CUBN: variants seen among roughly 807,000 people sequenced by gnomAD.
CUBN encodes the protein 460 kDa receptor.
CUBN carries 282 observed loss-of-function variants against 405.3 expected under a neutral mutation model. The ratio of observed to expected loss-of-function variants is 0.70; its 90% CI spans 0.63 to 0.77. The LOEUF (loss-of-function observed/expected upper bound fraction) is 0.77. Ranked by LOEUF, CUBN falls within the 30% of genes least tolerant of loss-of-function variation. CUBN has a pLI of 0.00. For missense variants in CUBN, 4,514 were observed against 4,475.2 expected, an observed-to-expected ratio of 1.01 and a Z score of -0.25; for synonymous variants, 1,684 against 1,617.0, an observed-to-expected ratio of 1.04 and a Z score of -0.99.
chr10:17,020,781 T>C lies in CUBN; in HGVS notation c.4018-798A>G, dbSNP rs186213711. Among the ~76,000 whole-genome samples the C allele has an allele frequency of 4.2e-3, 643 of 152,314 alleles. 4 individuals carry two copies. Among genetic ancestry groups the C allele is most frequent in the Non-Finnish European group, 6.8e-3 (463 of 68,026 alleles). ...TGTAAAATGCCACAAATATAATGTATTTATATTATAATTCTATTGTTGTTT... is the reference window on the plus strand; with the variant it reads ...TGTAAAATGCCACAAATATAATGTACTTATATTATAATTCTATTGTTGTTT... On this transcript the variant is annotated intron_variant, in intron 27 of 66. Transcript: ENST00000377833.
At chr10:17,067,765 C>T (rs1835644189) in intron 21 of CUBN, among the ~76,000 whole-genome samples, 1 of 151,990 alleles carries the variant, frequency 6.6e-6, no homozygotes, top group African/African-American at 2.4e-5. Context: ...TTTGTGGTTT[C>T]CTGTGGGTGG....
In CUBN at chr10:17,087,472, C is replaced by CTTTTTTTTTTTTTTTTTTTTTT. The variant is rs775573918; in HGVS notation, c.1947+670_1947+691dup. ...CACAATCACTATTATTTTTCTTTTT[C>CTTTTTTTTTTTTTTTTTTTTTT]TTTTTTTTTTTTTTTTTTTTTTAGA... On this transcript the variant is annotated intron_variant, in intron 15 of 66. Transcript: ENST00000377833. 1.4e-4 allele frequency among the ~76,000 whole-genome samples: 10 copies of CTTTTTTTTTTTTTTTTTTTTTT among 71,726 alleles called. 1 individual carries two copies. The highest frequency in any genetic ancestry group is 2.3e-4 in the Admixed American group (1 of 4,372). The allele number at this position is 71,726 out of a possible 152,430, so 47.1% of individuals were successfully genotyped here.
intron 20 of CUBN, 38 bp downstream of exon 20, chr10:17,068,566 GC>G: frequency 6.6e-7 from 1 of 1,515,446 alleles, no homozygotes; most frequent in Non-Finnish European, 9.1e-7. Flanking sequence ...TCTGATACAA[GC>G]CCAAGAGGAG....
rs764285300 is a variant in CUBN at position 16,862,143 on chromosome 10, G to GTCTCTCTC, written c.9454+7485_9454+7492dup. Among the ~76,000 whole-genome samples, 21 of 121,382 alleles carry GTCTCTCTC rather than the reference G, an allele frequency of 1.7e-4. 1 individual carries two copies. Among genetic ancestry groups the GTCTCTCTC allele is most frequent in the Admixed American group, 6.4e-4 (7 of 10,978 alleles). The allele number at this position is 121,382 out of a possible 152,430, so 79.6% of individuals were successfully genotyped here. A position where few individuals can be genotyped will look rare whatever the true frequency, so the allele number is the denominator to read the frequency against. On this transcript the variant is annotated intron_variant, in intron 59 of 66. Transcript: ENST00000377833. ...CAGCCTGGCAACAGAGTGAGACTCC[G>GTCTCTCTC]TCTCTCTCTCTCTCTCTCACACACA...
At chr10:16,949,466 GTGTGTGTGTGTT>G (rs1842871937) in intron 34 of CUBN, among the ~76,000 whole-genome samples, 4 of 35,086 alleles carry the variant, frequency 1.1e-4, no homozygotes, top group Admixed American at 8.4e-4. Context: ...TGTGTGTGTA[GTGTGTGTGTGTT>G]TGTTTGTTTT....
intron 17 of CUBN, among the ~76,000 whole-genome samples, chr10:17,082,004 C>T (rs748315758): frequency 3.3e-5 from 5 of 151,918 alleles, no homozygotes; most frequent in African/African-American, 4.8e-5. Context: ...GAAATTTGGT[C>T]AAGACTTTGA....
At chr10:16,927,569 C>T (rs1842227850) in intron 41 of CUBN, among the ~76,000 whole-genome samples, 2 of 152,164 alleles carry the variant, frequency 1.3e-5, no homozygotes, top group South Asian at 4.1e-4. Flanking sequence ...TTTCACTCTT[C>T]CTTGGACTAC....
At chr10:16,971,128 T>A (rs1832918682) in intron 31 of CUBN, among the ~76,000 whole-genome samples, 1 of 152,206 alleles carries the variant, frequency 6.6e-6, no homozygotes, top group Admixed American at 6.5e-5. Flanking sequence ...CCCAACATTA[T>A]CTGACAGCAT....
intron 29 of CUBN, among the ~76,000 whole-genome samples, chr10:16,987,116 TG>T (rs1161341599): frequency 4.6e-5 from 7 of 152,074 alleles, no homozygotes; most frequent in Non-Finnish European, 7.4e-5. Flanking sequence ...CTCCAAGGAG[TG>T]GATTTCCTTT....
chr10:16,918,510 C>G lies in CUBN; in HGVS notation c.7000+112G>C. ...TAACTATTAGGTACTAGGCATAGTA[C>G]CTGGCTGATGAAATAATCTCTACAA... On this transcript the variant is annotated intron_variant, in intron 45 of 66. Coordinates refer to ENST00000377833, the MANE Select transcript of CUBN (RefSeq NM_001081.4). 3 of 798,108 alleles carry G rather than the reference C, an allele frequency of 3.8e-6. No individual in the cohort carries two copies. In the South Asian group the frequency reaches 4.6e-5, roughly 12 times the overall value. The allele number at this position is 798,108 out of a possible 1,614,324, so 49.4% of individuals were successfully genotyped here. A position where few individuals can be genotyped will look rare whatever the true frequency, so the allele number is the denominator to read the frequency against.
chr10:17,014,115 T>G (rs1186787517), intron 28 of CUBN, among the ~76,000 whole-genome samples: 5 of 152,148 alleles, frequency 3.3e-5, no homozygotes, highest in African/African-American at 7.2e-5. Context: ...AGTATGCCAT[T>G]TACATCATGA....
intron 27 of CUBN, among the ~76,000 whole-genome samples, chr10:17,025,740 G>T (rs775184521): frequency 1.1e-4 from 16 of 152,138 alleles, no homozygotes; most frequent in Non-Finnish European, 1.9e-4. Flanking sequence ...GGGAAGTGAT[G>T]AATTCAGTGA....
chr10:16,826,167 T>C (rs1178797867), intron 66 of CUBN, among the ~76,000 whole-genome samples: 1 of 152,174 alleles, frequency 6.6e-6, no homozygotes, highest in Non-Finnish European at 1.5e-5. Context: ...AACAATGGTA[T>C]TTACCGTAAT....
chr10:17,108,636 T>A (rs4748355), intron 10 of CUBN, among the ~76,000 whole-genome samples: 88,219 of 151,760 alleles, frequency 0.58, 26,683 homozygotes, highest in Non-Finnish European at 0.68. Context: ...CATAGAAGTA[T>A]AAAAGAACAT....
In CUBN at chr10:16,913,849, G is replaced by A. The variant is rs991361303; in HGVS notation, c.7495C>T (p.Leu2499=). ...RITLMFNNLR[L]ATHPSCNNEH... is the part of the protein sequence containing the mutation. Reference sequence around the variant, plus strand: ...TTGTTGCAGGACGGATGCGTGGCCAGCCTCAGGTTGTTAAACATTAGGGTG... The same window carrying A: ...TTGTTGCAGGACGGATGCGTGGCCAACCTCAGGTTGTTAAACATTAGGGTG... The change falls in exon 48 of 67, where the codon CTG becomes TTG. Residue 2499 remains leucine (L), a synonymous_variant. Coordinates refer to ENST00000377833, the MANE Select transcript of CUBN (RefSeq NM_001081.4). 3.1e-6 allele frequency: 5 copies of A among 1,613,944 alleles called. No individual in the cohort carries two copies. The African/African-American group carries it at 6.7e-5, about 22-fold the overall frequency.
chr10:16,872,939 T>C (rs753444549), intron 58 of CUBN, among the ~76,000 whole-genome samples: 4 of 152,162 alleles, frequency 2.6e-5, no homozygotes, highest in Admixed American at 6.5e-5. Flanking sequence ...GTCCAGCCTA[T>C]AGAACGCCTG....
At chr10:16,886,619 T>C (rs1398121959) in intron 56 of CUBN, among the ~76,000 whole-genome samples, 1 of 152,182 alleles carries the variant, frequency 6.6e-6, no homozygotes, top group Non-Finnish European at 1.5e-5. Flanking sequence ...GCATCTCTAC[T>C]GTTCCCTCTG....
At position 16,891,891 on chromosome 10, in the gene CUBN, T is replaced by C. The variant is rs547604793; in HGVS notation, c.8599-1364A>G. On this transcript the variant is annotated intron_variant, in intron 54 of 66. Transcript: ENST00000377833. Reference sequence around the variant, plus strand: ...GGGCCAGGACTATTGCTACACAATCTGCAATACCCAATATGCCCTTTCTAT... The same window carrying C: ...GGGCCAGGACTATTGCTACACAATCCGCAATACCCAATATGCCCTTTCTAT... Among the ~76,000 whole-genome samples the C allele has an allele frequency of 1.7e-3, 261 of 151,494 alleles. 1 individual carries two copies. Among genetic ancestry groups the C allele is most frequent in the Admixed American group, 4.3e-3 (65 of 15,256 alleles).
intron 55 of CUBN, 127 bp downstream of exon 55, chr10:16,890,244 A>C: frequency 1.2e-6 from 1 of 830,392 alleles, no homozygotes. Flanking sequence ...TCTTGGGATT[A>C]GGTGACTCAT....
Sources: gnomAD v4.1 joint callset for allele counts (sites outside exome capture counted in the v4.1 genomes callset) on GRCh38, gnomAD v4.1.1 for gene constraint, MANE v1.5 for transcripts, NCBI Gene and HGNC (gene_info 2026-07-23, HGNC 2026-07-21) for gene names.